WWP2: variants seen among roughly 807,000 people sequenced by gnomAD.
WWP2 encodes the protein WW domain containing E3 ubiquitin protein ligase 2, also known as NEDD4-like E3 ubiquitin-protein ligase WWP2.
WWP2 carries 57 observed loss-of-function variants against 121.0 expected under a neutral mutation model. The observed-to-expected ratio is 0.47, with a 90% CI of 0.38 to 0.59. WWP2 has a LOEUF of 0.59. WWP2 is among the 20% of genes least tolerant of loss of function. The pLI is 0.00. For synonymous variants in WWP2, 449 were observed against 441.3 expected, an observed-to-expected ratio of 1.02 and a Z score of -0.22; for missense variants, 962 against 1,158.9, an observed-to-expected ratio of 0.83 and a Z score of 2.47.
rs3051446 is a variant in WWP2 at position 69,912,369 on chromosome 16, TCACACACACACACA to T, written c.1004+3548_1004+3561del. ...TGGAAGTTTGTGCAGGGAGTTAGAT[TCACACACACACACA>T]CACACACACACACACACACACACAC... is the stretch of plus-strand genomic sequence containing the variant. On this transcript the variant is annotated intron_variant, in intron 9 of 23. Coordinates refer to ENST00000359154, the MANE Select transcript of WWP2 (RefSeq NM_001270454.2). Among the ~76,000 whole-genome samples, 14 of 140,286 alleles carry T rather than the reference TCACACACACACACA, an allele frequency of 1.0e-4. 1 individual carries two copies. Among genetic ancestry groups the T allele is most frequent in the African/African-American group, 8.0e-5 (3 of 37,544 alleles). 92.0% of individuals were successfully genotyped at this position (140,286 alleles called of 152,430 possible).
chr16:69,766,665 C>T (rs1423047305), intron 1 of WWP2, among the ~76,000 whole-genome samples: 1 of 152,158 alleles, frequency 6.6e-6, no homozygotes, highest in African/African-American at 2.4e-5. Flanking sequence ...ACCCTTAAGC[C>T]CCTATTCAGC....
Position 69,787,042 on chromosome 16 carries a change from T to C in WWP2, c.32T>C (p.Val11Ala). The change falls in exon 2 of 24, where the codon GTG becomes GCG. Residue 11 changes from valine to alanine, a missense_variant. Coordinates refer to ENST00000359154, the MANE Select transcript of WWP2 (RefSeq NM_001270454.2). MASASSSRAG[V>A]ALPFEKSQLT... ...TCTGCCAGCTCTAGCCGGGCAGGAG[T>C]GGCCCTGCCTTTTGAGAAGTCTCAG... 1.2e-6 allele frequency: 2 copies of C among 1,613,316 alleles called. No individual in the cohort carries two copies. Among genetic ancestry groups the C allele is most frequent in the South Asian group, 1.1e-5 (1 of 90,738 alleles).
In WWP2 at chr16:69,790,796, G is replaced by A. The variant is rs541878973; in HGVS notation, c.70+3716G>A. 5.3e-5 allele frequency among the ~76,000 whole-genome samples: 8 copies of A among 152,034 alleles called. 1 individual carries two copies. The highest frequency in any genetic ancestry group is 2.1e-4 in the South Asian group (1 of 4,808). ...TTGCTATGTTGGCCAGGCTGGTCTC[G>A]AACTTCTGACCTCAAGTGATCCGCC... On this transcript the variant is annotated intron_variant, in intron 2 of 23. Coordinates refer to ENST00000359154, the MANE Select transcript of WWP2 (RefSeq NM_001270454.2).
At chr16:69,827,481 A>T (rs917303739) in intron 4 of WWP2, among the ~76,000 whole-genome samples, 1 of 152,258 alleles carries the variant, frequency 6.6e-6, no homozygotes, top group Non-Finnish European at 1.5e-5. Context: ...TAATTGGGGC[A>T]TAATAGGTCC....
intron 1 of WWP2, among the ~76,000 whole-genome samples, chr16:69,778,659 T>G (rs1463914846): frequency 6.6e-6 from 1 of 152,138 alleles, no homozygotes; most frequent in South Asian, 2.1e-4. Context: ...TTATTTCTCT[T>G]GAGACAGAGT....
rs1427242935 is a variant in WWP2 at position 69,917,600 on chromosome 16, C to T, written c.1005-109C>T. 6 of 1,350,974 alleles carry T rather than the reference C, an allele frequency of 4.4e-6. No homozygotes were observed. The South Asian group carries it at 8.6e-5, about 19-fold the overall frequency. 83.7% of individuals were successfully genotyped at this position (1,350,974 alleles called of 1,614,324 possible). A position where few individuals can be genotyped will look rare whatever the true frequency, so the allele number is the denominator to read the frequency against. On this transcript the variant is annotated intron_variant, in intron 9 of 23. Transcript: ENST00000359154. ...GCTATAATCAGCTAAGCCCCAGCAACCTCTGTGACAGGGCCTGCCCGGCTG... is the reference window on the plus strand; with the variant it reads ...GCTATAATCAGCTAAGCCCCAGCAATCTCTGTGACAGGGCCTGCCCGGCTG...
intron 10 of WWP2, among the ~76,000 whole-genome samples, chr16:69,921,996 C>T (rs902617997): frequency 6.6e-6 from 1 of 151,092 alleles, no homozygotes; most frequent in Non-Finnish European, 1.5e-5. Context: ...ATCGCTTGAA[C>T]TCGGGAGGCA....
intron 4 of WWP2, among the ~76,000 whole-genome samples, chr16:69,800,224 G>A (rs1249951990): frequency 1.3e-5 from 2 of 152,120 alleles, no homozygotes; most frequent in Admixed American, 6.5e-5. Flanking sequence ...ACACTGGCCC[G>A]AGGAATTGTT....
Position 69,935,383 on chromosome 16 carries a change from C to G in WWP2, c.1843-470C>G, listed in dbSNP as rs2058781466. Among the ~76,000 whole-genome samples, 1 of 152,230 alleles carries G rather than the reference C, an allele frequency of 6.6e-6. No homozygotes were observed. The highest frequency in any genetic ancestry group is 6.5e-5 in the Admixed American group (1 of 15,278). On this transcript the variant is annotated intron_variant, in intron 17 of 23. Transcript: ENST00000359154. The surrounding 1 kb of genome is among the most constrained non-coding windows in gnomAD (Gnocchi z 5.2). ...GCCAGCAGGACAGACCGGTAAAACC[C>G]TAGACTATTACTCACCATTGGCCGC...
intron 8 of WWP2, among the ~76,000 whole-genome samples, chr16:69,889,188 C>G (rs1480460508): frequency 3.3e-5 from 5 of 151,790 alleles, no homozygotes; most frequent in African/African-American, 7.3e-5. Context: ...AATGTGGGCA[C>G]AGTGACCTGT....
intron 7 of WWP2, among the ~76,000 whole-genome samples, chr16:69,873,102 T>G (rs148580731): frequency 5.9e-5 from 9 of 152,334 alleles, no homozygotes; most frequent in African/African-American, 1.7e-4. Context: ...AGTTTTCTAG[T>G]GCTCGTGACA....
At chr16:69,776,822 C>A (rs2055540132) in intron 1 of WWP2, among the ~76,000 whole-genome samples, 1 of 150,944 alleles carries the variant, frequency 6.6e-6, no homozygotes, top group Non-Finnish European at 1.5e-5. Context: ...GAGCGAAATT[C>A]CATCTCGAAA....
At chr16:69,923,043 C>T (rs576650190) in intron 10 of WWP2, among the ~76,000 whole-genome samples, 16 of 152,220 alleles carry the variant, frequency 1.1e-4, no homozygotes, top group African/African-American at 3.9e-4. Flanking sequence ...GTGCCTGCCA[C>T]TATGCCTGGC....
At chr16:69,848,132 A>G (rs1418598507) in intron 6 of WWP2, among the ~76,000 whole-genome samples, 1 of 152,218 alleles carries the variant, frequency 6.6e-6, no homozygotes, top group African/African-American at 2.4e-5. Flanking sequence ...AGGGATTAAC[A>G]TAAGGGATCT....
At chr16:69,908,464 T>TA (rs1371256043) in intron 8 of WWP2, among the ~76,000 whole-genome samples, 34 of 150,838 alleles carry the variant, frequency 2.3e-4, no homozygotes, top group East Asian at 4.4e-4. Flanking sequence ...CTGAATTTTT[T>TA]TAAAAAATCC....
At position 69,762,402 on chromosome 16, in the gene WWP2, C is replaced by T. The variant is rs2038625938; in HGVS notation, c.-16+11C>T. On this transcript the variant is annotated intron_variant, in intron 1 of 23. Coordinates refer to ENST00000359154, the MANE Select transcript of WWP2 (RefSeq NM_001270454.2). ...CTGTGGCCACGGCAGGTAGCGAGCG[C>T]TGGCGCGGGGGGCGCGGTGGGCTGG... 1 of 149,512 alleles carries T rather than the reference C, an allele frequency of 6.7e-6. No individual in the cohort carries two copies. 9.3% of individuals were successfully genotyped at this position (149,512 alleles called of 1,614,324 possible). A position where few individuals can be genotyped will look rare whatever the true frequency, so the allele number is the denominator to read the frequency against.
intron 2 of WWP2, among the ~76,000 whole-genome samples, chr16:69,792,036 G>C (rs1260750940): frequency 1.3e-5 from 2 of 152,082 alleles, no homozygotes; most frequent in African/African-American, 4.8e-5. Context: ...GGGGGAAAGA[G>C]AAAGAGAGAA....
Position 69,936,411 on chromosome 16 carries a change from G to A in WWP2, c.2076G>A (p.Glu692=), listed in dbSNP as rs759609593. The change falls in exon 19 of 24, where the codon GAG becomes GAA. Residue 692 remains glutamate, a synonymous_variant. Coordinates refer to ENST00000359154, the MANE Select transcript of WWP2 (RefSeq NM_001270454.2). ...CCCACGAGCTGAAGGAGGGCGGCGAGAGCATCCGGGTCACAGAGGAGAACA... is the reference window on the plus strand; with the variant it reads ...CCCACGAGCTGAAGGAGGGCGGCGAAAGCATCCGGGTCACAGAGGAGAACA... ...VTTHELKEGG[E]SIRVTEENKE... 6.1e-5 allele frequency: 99 copies of A among 1,613,980 alleles called. No homozygotes were observed. Among genetic ancestry groups the A allele is most frequent in the Non-Finnish European group, 8.1e-5 (96 of 1,180,048 alleles).
At chr16:69,811,711 G>A (rs2056395813) in intron 4 of WWP2, among the ~76,000 whole-genome samples, 1 of 152,140 alleles carries the variant, frequency 6.6e-6, no homozygotes, top group African/African-American at 2.4e-5. Context: ...CTTTGATTGT[G>A]TCACTGCAAT....
Sources: allele counts gnomAD v4.1 joint callset (sites outside exome capture counted in the v4.1 genomes callset), GRCh38; gene constraint gnomAD v4.1.1; non-coding constraint Gnocchi (gnomAD v3.1); transcripts MANE v1.5; gene names NCBI Gene and HGNC (gene_info 2026-07-23, HGNC 2026-07-21).